BICD2: variants seen among roughly 807,000 people sequenced by gnomAD.
The protein encoded by BICD2 is protein bicaudal D homolog 2.
Under a neutral mutation model 72.9 loss-of-function variants are expected in BICD2, and 25 were observed. The observed-to-expected ratio is 0.34, with a 90% CI of 0.25 to 0.48. The LOEUF is 0.48. Among genes scored for constraint, BICD2 ranks in the 20% least tolerant of loss-of-function variants. The pLI, the probability that BICD2 is intolerant of heterozygous loss-of-function variation, is 0.99. For synonymous variants in BICD2, 501 were observed against 516.1 expected (o/e 0.97, Z 0.40); for missense variants, 894 against 1,175.2 (o/e 0.76, Z 3.50).
intron 2 of BICD2, among the ~76,000 whole-genome samples, chr9:92,728,359 C>T (rs148412333): frequency 6.6e-4 from 101 of 152,334 alleles, no homozygotes; most frequent in African/African-American, 2.4e-3. Context: ...GATTCATGGA[C>T]GGACACCACA....
At chr9:92,730,626 C>T (rs1476391136) in intron 1 of BICD2, among the ~76,000 whole-genome samples, 7 of 152,162 alleles carry the variant, frequency 4.6e-5, no homozygotes, top group African/African-American at 1.7e-4. Flanking sequence ...TGTGCTATGG[C>T]AGGTGTGGTG....
At chr9:92,724,124 T>G (rs925208887) in intron 2 of BICD2, among the ~76,000 whole-genome samples, 3 of 152,148 alleles carry the variant, frequency 2.0e-5, no homozygotes, top group Non-Finnish European at 2.9e-5. Context: ...CCCCAGACCA[T>G]CACCACCCCT....
At position 92,764,127 on chromosome 9, in the gene BICD2, C is replaced by T. The variant is rs1383991752; in HGVS notation, c.240+378G>A. 1.3e-5 allele frequency among the ~76,000 whole-genome samples: 2 copies of T among 152,168 alleles called. No individual in the cohort carries two copies. The highest frequency in any genetic ancestry group is 2.9e-5 in the Non-Finnish European group (2 of 68,012). ...GGGTCACCAGCATCCGTGGCCTCAG[C>T]TCCCGGCTCAGCCACTGCCCTCCCA... On this transcript the variant is annotated intron_variant, in intron 1 of 6. Coordinates refer to ENST00000356884, the MANE Select transcript of BICD2 (RefSeq NM_001003800.2). This position sits in a 1 kb window ranked among gnomAD's most constrained non-coding sequence, Gnocchi z 5.5.
intron 1 of BICD2, among the ~76,000 whole-genome samples, chr9:92,757,309 C>A (rs1180448888): frequency 9.4e-4 from 74 of 78,566 alleles, no homozygotes; most frequent in African/African-American, 3.6e-3. Flanking sequence ...ACGAGACTGT[C>A]TCCAAAAAAA....
At chr9:92,741,307 G>A (rs1167473471) in intron 1 of BICD2, among the ~76,000 whole-genome samples, 1 of 152,156 alleles carries the variant, frequency 6.6e-6, no homozygotes, top group African/African-American at 2.4e-5. Context: ...TACCTTAAGA[G>A]TTATTCACTG....
In BICD2 at chr9:92,720,556, T is replaced by C. The variant is rs777536867; in HGVS notation, c.806A>G (p.Asp269Gly). 6.2e-7 allele frequency: 1 copy of C among 1,613,804 alleles called. No homozygotes were observed. The highest frequency in any genetic ancestry group is 1.1e-5 in the South Asian group (1 of 91,048). ...KELSHYMSIN[D>G]SFYTSHLHVS... ...ATGCAGGTGGCTGGTGTAGAAGGAG[T>C]CATTGATGCTCATGTAGTGTGACAG... The change falls in exon 4 of 7, where the codon GAC (aspartate) becomes GGC (glycine). Residue 269 changes from aspartate (D) to glycine (G), a missense_variant. Physicochemically the swap from Asp to Gly is moderately conservative, Grantham distance 94 (BLOSUM62 -1). Around this residue, in one of 5 missense-constraint regions of BICD2, gnomAD observed 371 missense variants for 439.1 expected, o/e 0.84. Transcript: ENST00000356884. The surrounding 1 kb of genome is among the most constrained non-coding windows in gnomAD (Gnocchi z 5.4).
chr9:92,718,973 G>A lies in BICD2; in HGVS notation c.1672C>T (p.Arg558Cys), dbSNP rs1351684855. 3.1e-6 allele frequency: 5 copies of A among 1,610,684 alleles called. No individual in the cohort carries two copies. The highest frequency in any genetic ancestry group is 1.3e-5 in the African/African-American group (1 of 75,004). ...CGGCCGGCCCCGCCCTGGCCCTCGC[G>A]GTAGTAGTCCAGCATGACACGGTTG... ...TPNRVMLDYY[R>C]EGQGGAGRTS... The change falls in exon 5 of 7, where the codon CGC becomes TGC. Residue 558 changes from arginine to cysteine, a missense_variant. By Grantham distance (180) the Arg-to-Cys change is radical (BLOSUM62 -3). Transcript: ENST00000356884.
chr9:92,753,578 G>A (rs1340297159), intron 1 of BICD2, among the ~76,000 whole-genome samples: 4 of 151,514 alleles, frequency 2.6e-5, no homozygotes, highest in South Asian at 2.1e-4. Flanking sequence ...TTGCTCTGTC[G>A]CCCAGGCTGG....
Position 92,764,638 on chromosome 9 carries a change from G to A in BICD2, c.107C>T (p.Thr36Ile). Residue 36 changes from threonine (T) to isoleucine (I), a missense_variant, in exon 1 of 7, where the codon ACC (threonine) becomes ATC (isoleucine). By Grantham distance (89) the Thr-to-Ile change is moderately conservative. Around this residue, in one of 5 missense-constraint regions of BICD2, gnomAD observed 192 missense variants for 243.6 expected, o/e 0.79. Coordinates refer to ENST00000356884, the MANE Select transcript of BICD2 (RefSeq NM_001003800.2). This position sits in a 1 kb window ranked among gnomAD's most constrained non-coding sequence, Gnocchi z 5.5. Reference protein sequence around the residue: ...VKRLSHELAETTREKIQAAEY... With the variant: ...VKRLSHELAEITREKIQAAEY... ...GGCCGCCTGGATCTTCTCACGCGTG[G>A]TCTCGGCCAGCTCGTGGGACAGCCG... 1 of 1,594,016 alleles carries A rather than the reference G, an allele frequency of 6.3e-7. No individual in the cohort carries two copies. Among genetic ancestry groups the A allele is most frequent in the African/African-American group, 1.3e-5 (1 of 74,520 alleles).
At chr9:92,759,464 C>T (rs924703909) in intron 1 of BICD2, among the ~76,000 whole-genome samples, 11 of 152,222 alleles carry the variant, frequency 7.2e-5, no homozygotes, top group African/African-American at 2.4e-4. Context: ...CTAACCCTAA[C>T]CCTGGCCTGC....
chr9:92,752,128 C>T (rs894779089), intron 1 of BICD2, among the ~76,000 whole-genome samples: 6 of 152,118 alleles, frequency 3.9e-5, no homozygotes, highest in Non-Finnish European at 8.8e-5. Context: ...ATGTTCAAAA[C>T]AATCTCCTTG....
At chr9:92,722,984 C>G (rs1304136010) in intron 2 of BICD2, among the ~76,000 whole-genome samples, 176 bp from the exon 3 acceptor site, 1 of 152,216 alleles carries the variant, frequency 6.6e-6, no homozygotes, top group African/African-American at 2.4e-5. Flanking sequence ...TGCCAGAGTG[C>G]ACAGCGGACT....
chr9:92,731,179 G>A (rs1853672675), intron 1 of BICD2, among the ~76,000 whole-genome samples: 1 of 152,198 alleles, frequency 6.6e-6, no homozygotes. Context: ...AAGCAGGAGG[G>A]ACCCAAATGA....
chr9:92,761,224 T>C (rs923236721), intron 1 of BICD2, among the ~76,000 whole-genome samples: 1 of 151,244 alleles, frequency 6.6e-6, no homozygotes, highest in Non-Finnish European at 1.5e-5. Context: ...CCTTGGGAGG[T>C]GGCAATGGAA....
At chr9:92,740,316 ATAAGT>A (rs750425363) in intron 1 of BICD2, among the ~76,000 whole-genome samples, 8 of 152,278 alleles carry the variant, frequency 5.3e-5, no homozygotes, top group South Asian at 2.1e-4. Flanking sequence ...AGTATTTCAC[ATAAGT>A]TTTCTGTAAA....
At chr9:92,743,239 C>A (rs1564069192) in intron 1 of BICD2, among the ~76,000 whole-genome samples, 1 of 152,134 alleles carries the variant, frequency 6.6e-6, no homozygotes, top group Non-Finnish European at 1.5e-5. Flanking sequence ...GTCACCCAGA[C>A]TGGAGTGTAG....
Position 92,715,891 on chromosome 9 carries a change from T to A in BICD2, c.2259-428A>T, listed in dbSNP as rs1174713734. On this transcript the variant is annotated intron_variant, in intron 6 of 6. Coordinates refer to ENST00000356884, the MANE Select transcript of BICD2 (RefSeq NM_001003800.2). The stretch of plus-strand genomic sequence containing the variant: ...CATGGAGAAGCCATGGCTTCTAGGG[T>A]GTGGATGTAAATCTAAGCAGGACTG... 5.3e-5 allele frequency among the ~76,000 whole-genome samples: 8 copies of A among 151,972 alleles called. No individual in the cohort carries two copies. In the East Asian group the frequency reaches 1.6e-3, roughly 30 times the overall value.
chr9:92,720,899 A>C lies in BICD2; in HGVS notation c.607-144T>G. ...CGCCAGGTGAGGTGCCATCCTGGGA[A>C]GGGTGGCAGCCCGTCCAGGCCAAGA... On this transcript the variant is annotated intron_variant, in intron 3 of 6. Transcript: ENST00000356884. This position sits in a 1 kb window ranked among gnomAD's most constrained non-coding sequence, Gnocchi z 5.4. 1 of 864,180 alleles carries C rather than the reference A, an allele frequency of 1.2e-6. No homozygotes were observed. The highest frequency in any genetic ancestry group is 1.7e-6 in the Non-Finnish European group (1 of 574,760). The allele number at this position is 864,180 out of a possible 1,614,324, so 53.5% of individuals were successfully genotyped here. A position where few individuals can be genotyped will look rare whatever the true frequency, so the allele number is the denominator to read the frequency against.
intron 2 of BICD2, 45 bp from the exon 3 acceptor site, chr9:92,722,853 G>T (rs748091000): frequency 1.1e-5 from 17 of 1,611,292 alleles, no homozygotes; most frequent in Non-Finnish European, 1.4e-5. Context: ...CCTCCACAGG[G>T]CACGAGAGGG....
Sources: allele counts gnomAD v4.1 joint callset (sites outside exome capture counted in the v4.1 genomes callset), GRCh38; gene constraint gnomAD v4.1.1; regional missense constraint gnomAD v4.1.1; non-coding constraint Gnocchi (gnomAD v3.1); transcripts MANE v1.5; gene names NCBI Gene and HGNC (gene_info 2026-07-23, HGNC 2026-07-21).